The following EPHB1 variants were observed in gnomAD, a reference collection of about 807,000 sequenced individuals.
EPHB1 encodes the protein ephrin type-B receptor 1.
In EPHB1, 30 loss-of-function variants were observed where a neutral mutation model predicts 94.4. The observed-to-expected ratio is 0.32, with a 90% CI of 0.24 to 0.43. The LOEUF is 0.43. Among genes scored for constraint, EPHB1 ranks in the 20% least tolerant of loss-of-function variants. The probability of loss-of-function intolerance (pLI) is 1.00; values close to 1 mark genes in which losing one functional copy is unlikely to be tolerated. For missense variants in EPHB1, 1,055 were observed against 1,308.3 expected, an observed-to-expected ratio of 0.81 and a Z score of 2.99; for synonymous variants, 522 against 489.1, an observed-to-expected ratio of 1.07 and a Z score of -0.89.
intron 1 of EPHB1, among the ~76,000 whole-genome samples, chr3:134,899,268 A>G (rs537650198): frequency 7.9e-5 from 12 of 152,226 alleles, no homozygotes; most frequent in African/African-American, 2.9e-4. Context: ...GCAGGGCTTC[A>G]GGGATTGTGG....
chr3:134,999,628 A>C (rs1384116008), intron 3 of EPHB1, among the ~76,000 whole-genome samples: 6 of 152,200 alleles, frequency 3.9e-5, no homozygotes, highest in Non-Finnish European at 8.8e-5. Context: ...TCATCTTCAG[A>C]GGAGAAGAAG....
intron 5 of EPHB1, among the ~76,000 whole-genome samples, chr3:135,138,548 G>T (rs1297638410): frequency 1.3e-5 from 2 of 152,136 alleles, no homozygotes; most frequent in African/African-American, 4.8e-5. Flanking sequence ...TTACACTGCT[G>T]CCTGTAAAAA....
intron 12 of EPHB1, among the ~76,000 whole-genome samples, chr3:135,204,881 C>CTT (rs71624063): frequency 4.1e-5 from 3 of 73,910 alleles, no homozygotes; most frequent in Non-Finnish European, 7.0e-5. Context: ...AGGTTTTATT[C>CTT]TTTTTTTTTT....
intron 10 of EPHB1, among the ~76,000 whole-genome samples, chr3:135,188,042 T>TA (rs1224283668): frequency 6.6e-6 from 1 of 151,160 alleles, no homozygotes; most frequent in Non-Finnish European, 1.5e-5. Flanking sequence ...CTACTAAAAA[T>TA]AAAAAAATTA....
At chr3:135,175,513 A>T (rs540689587) in intron 9 of EPHB1, among the ~76,000 whole-genome samples, 2 of 152,234 alleles carry the variant, frequency 1.3e-5, no homozygotes, top group Non-Finnish European at 2.9e-5. Context: ...TGCAAAGTAG[A>T]TCTTTAATCA....
intron 3 of EPHB1, among the ~76,000 whole-genome samples, chr3:135,092,311 C>T (rs2107791931): frequency 6.6e-6 from 1 of 152,248 alleles, no homozygotes; most frequent in Admixed American, 6.5e-5. Flanking sequence ...AGTGATGGGA[C>T]CCTCCCTTCT....
chr3:135,039,775 C>T (rs148130193), intron 3 of EPHB1, among the ~76,000 whole-genome samples: 9 of 152,320 alleles, frequency 5.9e-5, no homozygotes, highest in African/African-American at 1.7e-4. Context: ...GGCCCGCAAG[C>T]GCCGCACGCA....
At position 134,918,766 on chromosome 3, in the gene EPHB1, T is replaced by A. The variant is rs2038620677; in HGVS notation, c.59-7050T>A. On this transcript the variant is annotated intron_variant, in intron 1 of 15. Coordinates refer to ENST00000398015, the MANE Select transcript of EPHB1 (RefSeq NM_004441.5). The stretch of plus-strand genomic sequence containing the variant: ...TGCACCTCTTCTGGGCTGGTTCCAG[T>A]TTTTCTCATAGTTCAGATAATGATG... 5.3e-5 allele frequency among the ~76,000 whole-genome samples: 8 copies of A among 152,198 alleles called. No individual in the cohort carries two copies. In the South Asian group the frequency reaches 1.7e-3, roughly 32 times the overall value.
At chr3:134,935,812 T>C (rs986561504) in intron 2 of EPHB1, among the ~76,000 whole-genome samples, 7 of 131,998 alleles carry the variant, frequency 5.3e-5, no homozygotes, top group Non-Finnish European at 8.3e-5. Flanking sequence ...CTGTTATTAA[T>C]AGCAGTGCTA....
chr3:135,097,855 C>T (rs1319048856), intron 3 of EPHB1, among the ~76,000 whole-genome samples: 3 of 152,240 alleles, frequency 2.0e-5, no homozygotes, highest in South Asian at 4.1e-4. Context: ...CCATGGCCCA[C>T]ATAGATGCTT....
chr3:134,863,732 G>C (rs1376372347), intron 1 of EPHB1, among the ~76,000 whole-genome samples: 2 of 152,184 alleles, frequency 1.3e-5, no homozygotes, highest in African/African-American at 4.8e-5. Flanking sequence ...GCAAAGCATG[G>C]CTCCTTCTTT....
At chr3:134,946,589 C>T (rs2039221639) in intron 2 of EPHB1, among the ~76,000 whole-genome samples, 1 of 152,120 alleles carries the variant, frequency 6.6e-6, no homozygotes, top group South Asian at 2.1e-4. Context: ...CTCCCAATCT[C>T]ATATTAAAGC....
At chr3:134,970,501 T>A (rs1933927352) in intron 3 of EPHB1, among the ~76,000 whole-genome samples, 1 of 152,198 alleles carries the variant, frequency 6.6e-6, no homozygotes, top group Non-Finnish European at 1.5e-5. Flanking sequence ...ATGGCACTTA[T>A]TATAGTGTGA....
At chr3:134,956,830 G>T (rs1933298468) in intron 3 of EPHB1, among the ~76,000 whole-genome samples, 2 of 152,160 alleles carry the variant, frequency 1.3e-5, no homozygotes, top group African/African-American at 4.8e-5. Flanking sequence ...ATTCTGGAAT[G>T]AAGATGGCAT....
At chr3:135,017,010 G>T (rs922608778) in intron 3 of EPHB1, among the ~76,000 whole-genome samples, 5 of 152,316 alleles carry the variant, frequency 3.3e-5, no homozygotes, top group African/African-American at 9.6e-5. Flanking sequence ...AGAACTGGCA[G>T]ACTTCTTCCT....
At chr3:135,094,681 C>A (rs959276320) in intron 3 of EPHB1, among the ~76,000 whole-genome samples, 1 of 152,244 alleles carries the variant, frequency 6.6e-6, no homozygotes. Context: ...TGCTTTCCCT[C>A]TTCTCTGCTC....
chr3:135,063,558 G>T (rs564036896), intron 3 of EPHB1, among the ~76,000 whole-genome samples: 1 of 152,280 alleles, frequency 6.6e-6, no homozygotes, highest in South Asian at 2.1e-4. Flanking sequence ...AAACTTTGCT[G>T]AATTCTTTTA....
chr3:134,882,094 T>C (rs961936741), intron 1 of EPHB1, among the ~76,000 whole-genome samples: 10 of 152,178 alleles, frequency 6.6e-5, no homozygotes, highest in African/African-American at 2.4e-4. Context: ...AATTGATAAT[T>C]AGAAAAGAAA....
chr3:135,182,069 A>C (rs2107705701), intron 10 of EPHB1, among the ~76,000 whole-genome samples: 1 of 152,304 alleles, frequency 6.6e-6, no homozygotes, highest in East Asian at 1.9e-4. Flanking sequence ...TACTATGCAT[A>C]ACTTCATGCA....
Sources: allele counts gnomAD v4.1 joint callset (sites outside exome capture counted in the v4.1 genomes callset), GRCh38; gene constraint gnomAD v4.1.1; transcripts MANE v1.5; gene names NCBI Gene and HGNC (gene_info 2026-07-23, HGNC 2026-07-21).